TPM4: variants seen among roughly 807,000 people sequenced by gnomAD.
TPM4 encodes tropomyosin alpha-4 chain.
A neutral mutation model predicts 35.8 loss-of-function variants in TPM4; 17 were observed. The ratio of observed to expected loss-of-function variants is 0.47; its 90% CI spans 0.32 to 0.71. TPM4 has a LOEUF of 0.71. TPM4 is among the 30% of genes least tolerant of loss of function. The probability of loss-of-function intolerance (pLI) is 0.03; values close to 1 mark genes in which losing one functional copy is unlikely to be tolerated. For synonymous variants in TPM4, 120 were observed against 122.9 expected (o/e 0.98, Z 0.15); for missense variants, 240 against 320.9 (o/e 0.75, Z 1.93).
At chr19:16,085,797 G>A (rs185299469) in intron 2 of TPM4, among the ~76,000 whole-genome samples, 17 of 152,172 alleles carry the variant, frequency 1.1e-4, no homozygotes, top group Middle Eastern at 6.8e-3. Context: ...GGCTGGGCGC[G>A]GTGGCTCACA....
At chr19:16,097,318 A>G (rs1404980335) in intron 7 of TPM4, among the ~76,000 whole-genome samples, 1 of 136,304 alleles carries the variant, frequency 7.3e-6, no homozygotes, top group East Asian at 2.3e-4. Context: ...CTTGTTGCCC[A>G]CGCTGGAGTG....
chr19:16,089,747 C>A (rs1456434974), intron 5 of TPM4, among the ~76,000 whole-genome samples: 6 of 150,542 alleles, frequency 4.0e-5, no homozygotes, highest in Non-Finnish European at 7.4e-5. Flanking sequence ...TAGTTCATTG[C>A]AGCCTTGAAC....
chr19:16,070,504 G>A lies in TPM4; in HGVS notation c.114+2766G>A, dbSNP rs762567298. ...CCCAGGCCAGGAGCCAGGCCAGCCC[G>A]GCAGCTAAAGGCGAAAGCTCGGAGC... On this transcript the variant is annotated intron_variant, in intron 2 of 2. Transcript: ENST00000589897. The surrounding 1 kb of genome is among the most constrained non-coding windows in gnomAD (Gnocchi z 7.4). Among the ~76,000 whole-genome samples, 17 of 152,224 alleles carry A rather than the reference G, an allele frequency of 1.1e-4. No homozygotes were observed. The highest frequency in any genetic ancestry group is 1.9e-4 in the Non-Finnish European group (13 of 68,000).
intron 7 of TPM4, chr19:16,100,598 T>C (rs998728406): frequency 6.6e-6 from 1 of 151,772 alleles, no homozygotes; most frequent in African/African-American, 2.4e-5. Flanking sequence ...AGCAGATGGG[T>C]TCCTTGAGCC....
chr19:16,070,657 G>A lies in TPM4; in HGVS notation c.114+2919G>A, dbSNP rs1363690164. ...GACAGGATTAGAGGTGACTGTACAGGTGGAACCCTTGGCCCGGAGCCTAGC... is the reference window on the plus strand; with the variant it reads ...GACAGGATTAGAGGTGACTGTACAGATGGAACCCTTGGCCCGGAGCCTAGC... On this transcript the variant is annotated intron_variant, in intron 2 of 2. Transcript: ENST00000589897. This position sits in a 1 kb window ranked among gnomAD's most constrained non-coding sequence, Gnocchi z 7.4. Among the ~76,000 whole-genome samples, 1 of 152,184 alleles carries A rather than the reference G, an allele frequency of 6.6e-6. No homozygotes were observed. The highest frequency in any genetic ancestry group is 2.4e-5 in the African/African-American group (1 of 41,434).
chr19:16,078,314 T>G (rs560121766), intron 1 of TPM4, among the ~76,000 whole-genome samples: 157 of 150,164 alleles, frequency 1.0e-3, no homozygotes, highest in Non-Finnish European at 1.8e-3. Context: ...GGTGGGGGGG[T>G]GTGCGGATAG....
chr19:16,075,487 A>G (rs528549049), upstream of TPM4: 1 of 152,530 alleles, frequency 6.6e-6, no homozygotes, highest in East Asian at 1.9e-4. Flanking sequence ...ACTAGGTCTG[A>G]GCCCTTCAGC....
upstream of TPM4, chr19:16,074,609 G>T (rs10418402): frequency 0.32 from 49,020 of 152,122 alleles, 8,542 homozygotes; most frequent in East Asian, 0.49. Context: ...CAAGCATTCA[G>T]TTCATTATAG....
intron 2 of TPM4, among the ~76,000 whole-genome samples, chr19:16,084,433 C>T (rs1192046876): frequency 6.6e-6 from 1 of 152,188 alleles, no homozygotes; most frequent in Non-Finnish European, 1.5e-5. Flanking sequence ...AGGACCCAGT[C>T]ACGAGAGTTC....
intron 5 of TPM4, 43 bp downstream of exon 5, chr19:16,089,163 G>A: frequency 6.2e-7 from 1 of 1,611,190 alleles, no homozygotes; most frequent in South Asian, 1.1e-5. Flanking sequence ...GCTGGACTTT[G>A]TTCTTTTCTT....
At chr19:16,088,566 G>A in intron 4 of TPM4, 1 of 1,038,646 alleles carries the variant, frequency 9.6e-7, no homozygotes, top group African/African-American at 1.7e-5. Flanking sequence ...CAAAACACCT[G>A]TCCTCTTGGC....
intron 2 of TPM4, among the ~76,000 whole-genome samples, chr19:16,068,314 T>C (rs572478554): frequency 1.3e-4 from 20 of 152,196 alleles, no homozygotes; most frequent in African/African-American, 4.8e-4. Context: ...GTAGCTGGGA[T>C]TACAGGCACC....
chr19:16,092,359 G>C (rs757694202), intron 5 of TPM4, among the ~76,000 whole-genome samples: 1 of 151,836 alleles, frequency 6.6e-6, no homozygotes, highest in African/African-American at 2.4e-5. Flanking sequence ...AATACAGAGG[G>C]GGCCTTGAGT....
At position 16,081,925 on chromosome 19, in the gene TPM4, G is replaced by A. The variant is rs754690269; in HGVS notation, c.145G>A (p.Val49Met). The A allele has an allele frequency of 1.5e-5, 24 of 1,598,030 alleles. No homozygotes were observed. In the East Asian group the frequency reaches 5.2e-4, roughly 34 times the overall value. ...CCGACCTCCCCAGGCTGAAGGTGAT[G>A]TGGCCGCCCTCAACCGACGCATCCA... ...RERREKAEGD[V>M]AALNRRIQLV... Residue 49 changes from valine to methionine, a missense_variant, in exon 2 of 8, where the codon GTG becomes ATG. Physicochemically the swap from Val to Met is conservative, Grantham distance 21 (BLOSUM62 1). Transcript: ENST00000643579.
chr19:16,086,459 T>A lies in TPM4; in HGVS notation c.303T>A (p.Asp101Glu). Residue 101 changes from aspartate (D) to glutamate (E), a missense_variant, in exon 3 of 8, where the codon GAT becomes GAA. Transcript: ENST00000643579. ...TGATAGAAAACCGGGCCATGAAGGATGAGGAGAAGATGGAGATTCAGGAGA... is the reference window on the plus strand; with the variant it reads ...TGATAGAAAACCGGGCCATGAAGGAAGAGGAGAAGATGGAGATTCAGGAGA... The part of the protein sequence containing the change: ...MKVIENRAMK[D>E]EEKMEIQEMQ... 3.7e-6 allele frequency: 6 copies of A among 1,613,208 alleles called. No individual in the cohort carries two copies. The highest frequency in any genetic ancestry group is 5.1e-6 in the Non-Finnish European group (6 of 1,179,752).
intron 5 of TPM4, among the ~76,000 whole-genome samples, chr19:16,092,116 C>T (rs1349665940): frequency 1.3e-5 from 2 of 150,108 alleles, no homozygotes; most frequent in African/African-American, 4.9e-5. Flanking sequence ...AGTTGCAAGT[C>T]ACAGTGAGCC....
chr19:16,101,824 TA>T lies in TPM4; in HGVS notation c.*482del. ...GTAGGGATTTTCCATCCAGAGCCAA[TA>T]AAAGGACTGGTGGGGGCCGGGGGTG... On this transcript the variant is annotated 3_prime_UTR_variant, in exon 8 of 8. Coordinates refer to ENST00000643579, the MANE Select transcript of TPM4 (RefSeq NM_003290.3). 1 of 228,228 alleles carries T rather than the reference TA, an allele frequency of 4.4e-6. No homozygotes were observed. The allele number at this position is 228,228 out of a possible 1,614,324, so 14.1% of individuals were successfully genotyped here. A position where few individuals can be genotyped will look rare whatever the true frequency, so the allele number is the denominator to read the frequency against.
Position 16,093,606 on chromosome 19 carries a change from T to C in TPM4, c.594+8T>C. ...TCTGACAAACTGAAAGAGGTGAGTG[T>C]GGTGGCACCCAGCGAGCTCTGGTTT... On this transcript the variant is annotated splice_region_variant and intron_variant, in intron 6 of 7. Coordinates refer to ENST00000643579, the MANE Select transcript of TPM4 (RefSeq NM_003290.3). 6.2e-7 allele frequency: 1 copy of C among 1,614,188 alleles called. No homozygotes were observed.
intron 3 of TPM4, 140 bp from the exon 4 acceptor site, chr19:16,087,887 A>G (rs2090577111): frequency 2.3e-6 from 2 of 888,380 alleles, no homozygotes; most frequent in Non-Finnish European, 3.5e-6. Context: ...TCCCCCTGCA[A>G]AAAAAAGAAA....
Sources: gnomAD v4.1 joint callset for allele counts (sites outside exome capture counted in the v4.1 genomes callset) on GRCh38, gnomAD v4.1.1 for gene constraint, Gnocchi (gnomAD v3.1) non-coding constraint, MANE v1.5 for transcripts, NCBI Gene and HGNC (gene_info 2026-07-23, HGNC 2026-07-21) for gene names.